Variants in CLASRP observed in about 807,000 individuals in gnomAD.
The protein encoded by CLASRP is CLK4-associating serine/arginine rich protein.
CLASRP carries 52 observed loss-of-function variants against 99.9 expected under a neutral mutation model. The observed-to-expected ratio is 0.52, with a 90% CI of 0.42 to 0.66. The LOEUF (loss-of-function observed/expected upper bound fraction) is 0.66. CLASRP is among the 30% of genes least tolerant of loss of function. CLASRP has a pLI of 0.00. For synonymous variants in CLASRP, 379 were observed against 373.0 expected (o/e 1.02, Z -0.18); for missense variants, 848 against 999.2 (o/e 0.85, Z 2.04).
At chr19:45,069,999 A>C in intron 18 of CLASRP, 23 bp from the exon 19 acceptor site, 1 of 1,401,436 alleles carries the variant, frequency 7.1e-7, no homozygotes, top group Non-Finnish European at 1.0e-6. Flanking sequence ...TCCCGGCCAG[A>C]TGCTCATGCC....
chr19:45,052,769 T>C, intron 3 of CLASRP, 22 bp from the exon 4 acceptor site: 1 of 1,588,668 alleles, frequency 6.3e-7, no homozygotes, highest in South Asian at 1.1e-5. Flanking sequence ...GTTCTTGCTT[T>C]CTTGCTCCCC....
intron 2 of CLASRP, among the ~76,000 whole-genome samples, chr19:45,048,891 C>T (rs1971970828): frequency 6.6e-6 from 1 of 152,034 alleles, no homozygotes; most frequent in South Asian, 2.1e-4. Flanking sequence ...GAAGCTGAGG[C>T]AGGAGAATCC....
At position 45,067,441 on chromosome 19, in the gene CLASRP, G is replaced by GTCGCAGCCTGAC. The variant is rs1214087230; in HGVS notation, c.1523_1534dup (p.Leu508_Ser511dup). 1.3e-6 allele frequency: 2 copies of GTCGCAGCCTGAC among 1,540,974 alleles called. No individual in the cohort carries two copies. Among genetic ancestry groups the GTCGCAGCCTGAC allele is most frequent in the Non-Finnish European group, 1.7e-6 (2 of 1,147,166 alleles). On this transcript the variant is annotated inframe_insertion, in exon 14 of 21. Transcript: ENST00000221455. This position sits in a 1 kb window ranked among gnomAD's most constrained non-coding sequence, Gnocchi z 4.9. ...AGCTGGTCCCTCAGCCCGTCCCGCA[G>GTCGCAGCCTGAC]TCGCAGCCTGACTCGCAGCCGCAGC...
intron 3 of CLASRP, 25 bp from the exon 4 acceptor site, chr19:45,052,766 C>G (rs1298900544): frequency 6.3e-7 from 1 of 1,578,312 alleles, no homozygotes; most frequent in African/African-American, 1.4e-5. Context: ...GAGGTTCTTG[C>G]TTTCTTGCTC....
chr19:45,055,790 G>A lies in CLASRP; in HGVS notation c.380-660G>A, dbSNP rs148534944. On this transcript the variant is annotated intron_variant, in intron 5 of 20. Transcript: ENST00000221455. The stretch of plus-strand genomic sequence containing the variant: ...GGAGGTTGCGGTGAGCCAAGATCGC[G>A]CCATTGCACTCCAGCCTGTGCAACA... Among the ~76,000 whole-genome samples, 355 of 152,156 alleles carry A rather than the reference G, an allele frequency of 2.3e-3. 2 individuals are homozygous for A. Among genetic ancestry groups the A allele is most frequent in the African/African-American group, 8.1e-3 (338 of 41,512 alleles).
At position 45,068,500 on chromosome 19, in the gene CLASRP, T is replaced by C; in HGVS notation, c.1768+20T>C. Reference sequence around the variant, plus strand: ...GGCAGTGTATGTTCTGCCCTGTCCCTCCAGGGTTTCACAGCTCTTCTTTCC... The same window carrying C: ...GGCAGTGTATGTTCTGCCCTGTCCCCCCAGGGTTTCACAGCTCTTCTTTCC... On this transcript the variant is annotated intron_variant, in intron 16 of 20. Coordinates refer to ENST00000221455, the MANE Select transcript of CLASRP (RefSeq NM_007056.3). The C allele has an allele frequency of 6.3e-7, 1 of 1,583,056 alleles. No homozygotes were observed. Among genetic ancestry groups the C allele is most frequent in the Non-Finnish European group, 8.7e-7 (1 of 1,152,010 alleles).
At chr19:45,061,411 C>T (rs1304642224) in intron 10 of CLASRP, among the ~76,000 whole-genome samples, 1 of 151,902 alleles carries the variant, frequency 6.6e-6, no homozygotes, top group African/African-American at 2.4e-5. Flanking sequence ...CTACGTAATG[C>T]TGGACAAGTG....
At chr19:45,044,374 T>C (rs1016003506) in intron 2 of CLASRP, among the ~76,000 whole-genome samples, 1 of 152,198 alleles carries the variant, frequency 6.6e-6, no homozygotes, top group Non-Finnish European at 1.5e-5. Context: ...GTGTCTCCGC[T>C]TCATCAAAGC....
chr19:45,062,669 C>T (rs905365984), intron 11 of CLASRP, among the ~76,000 whole-genome samples: 7 of 152,316 alleles, frequency 4.6e-5, no homozygotes, highest in African/African-American at 1.7e-4. Context: ...GCGTGAGCCA[C>T]CACGCCCGGC....
Position 45,060,328 on chromosome 19 carries a change from G to C in CLASRP, c.711-61G>C. ...CTCACTTTCTCTGATGACTCAGTCTGTGTCCTCCTTACCCTGTGGCCTGCC... is the reference window on the plus strand; with the variant it reads ...CTCACTTTCTCTGATGACTCAGTCTCTGTCCTCCTTACCCTGTGGCCTGCC... On this transcript the variant is annotated intron_variant, in intron 8 of 20. Coordinates refer to ENST00000221455, the MANE Select transcript of CLASRP (RefSeq NM_007056.3). The surrounding 1 kb of genome is among the most constrained non-coding windows in gnomAD (Gnocchi z 4.6). 6.8e-7 allele frequency: 1 copy of C among 1,475,900 alleles called. No homozygotes were observed. Among genetic ancestry groups the C allele is most frequent in the East Asian group, 2.3e-5 (1 of 44,172 alleles). The allele number at this position is 1,475,900 out of a possible 1,614,324, so 91.4% of individuals were successfully genotyped here.
At chr19:45,041,444 A>ACC (rs149811376) in intron 2 of CLASRP, among the ~76,000 whole-genome samples, 1 of 150,572 alleles carries the variant, frequency 6.6e-6, no homozygotes, top group Non-Finnish European at 1.5e-5. Context: ...GGCCTATATT[A>ACC]CCCCCCCTCA....
In CLASRP at chr19:45,069,214, G is replaced by C. The variant is rs906880703; in HGVS notation, c.1840G>C (p.Glu614Gln). 1.2e-6 allele frequency: 2 copies of C among 1,613,938 alleles called. No individual in the cohort carries two copies. Among genetic ancestry groups the C allele is most frequent in the South Asian group, 1.1e-5 (1 of 91,064 alleles). The change falls in exon 18 of 21, where the codon GAG becomes CAG. Residue 614 changes from glutamate to glutamine, a missense_variant. Glu to Gln is a conservative substitution (Grantham distance 29). Coordinates refer to ENST00000221455, the MANE Select transcript of CLASRP (RefSeq NM_007056.3). ...QEHERQEREDELRAMARKIRM... is the reference protein window; with the variant it reads ...QEHERQEREDQLRAMARKIRM... ...CTGTCTGCTGCAGGAGCGGGAAGACGAGCTTCGAGCCATGGCCCGCAAGAT... is the reference window on the plus strand; with the variant it reads ...CTGTCTGCTGCAGGAGCGGGAAGACCAGCTTCGAGCCATGGCCCGCAAGAT...
At chr19:45,065,159 G>A (rs546884461) in intron 13 of CLASRP, among the ~76,000 whole-genome samples, 1 of 152,078 alleles carries the variant, frequency 6.6e-6, no homozygotes, top group African/African-American at 2.4e-5. Context: ...TTGGGAGGCC[G>A]AGGCAGGCGG....
chr19:45,061,507 C>T (rs1478949158), intron 10 of CLASRP, among the ~76,000 whole-genome samples: 4 of 151,962 alleles, frequency 2.6e-5, no homozygotes, highest in Non-Finnish European at 1.5e-5. Flanking sequence ...CTTATTCTGT[C>T]ACCCAGGCTG....
At chr19:45,068,645 G>C (rs36097205) in intron 16 of CLASRP, among the ~76,000 whole-genome samples, 165 bp downstream of exon 16, 60,220 of 151,666 alleles carry the variant, frequency 0.4, 13,135 homozygotes, top group Non-Finnish European at 0.5. Flanking sequence ...CTCCGCTGCC[G>C]CTATGCTGGG....
chr19:45,048,140 TCAGGCCC>T (rs1052240571), intron 2 of CLASRP, among the ~76,000 whole-genome samples: 4 of 151,786 alleles, frequency 2.6e-5, no homozygotes, highest in Non-Finnish European at 4.4e-5. Flanking sequence ...GATTTTGTAG[TCAGGCCC>T]ATCTGGGTTC....
chr19:45,070,067 G>A lies in CLASRP; in HGVS notation c.1920G>A (p.Gln640=). The A allele has an allele frequency of 6.2e-7, 1 of 1,610,010 alleles. No individual in the cohort carries two copies. The highest frequency in any genetic ancestry group is 1.3e-5 in the African/African-American group (1 of 74,996). The change falls in exon 19 of 21, where the codon CAG becomes CAA. Residue 640 remains glutamine, a synonymous_variant. Transcript: ENST00000221455. The stretch of plus-strand genomic sequence containing the variant: ...AGGAGAGAGAAGAGTGGGAACGCCA[G>A]TACAGCCGGCAGAGCCGCTCACCCT... The part of the protein sequence containing the change: ...REKEREEWER[Q]YSRQSRSPSP...
At chr19:45,054,742 TC>T (rs994795482) in intron 5 of CLASRP, among the ~76,000 whole-genome samples, 5 of 152,148 alleles carry the variant, frequency 3.3e-5, no homozygotes, top group African/African-American at 1.2e-4. Context: ...GCTGGGTTTG[TC>T]CCTTACCACC....
At chr19:45,057,383 G>A (rs1972139565) in intron 6 of CLASRP, among the ~76,000 whole-genome samples, 1 of 152,230 alleles carries the variant, frequency 6.6e-6, no homozygotes, top group Admixed American at 6.5e-5. Context: ...GCCCTGCTCT[G>A]TTCAGGGCAA....
Sources: gnomAD v4.1 joint callset for allele counts (sites outside exome capture counted in the v4.1 genomes callset) on GRCh38, gnomAD v4.1.1 for gene constraint, Gnocchi (gnomAD v3.1) non-coding constraint, MANE v1.5 for transcripts, NCBI Gene and HGNC (gene_info 2026-07-23, HGNC 2026-07-21) for gene names.